The following UTP20 variants were observed in gnomAD, a reference collection of about 807,000 sequenced individuals.
The protein encoded by UTP20 is UTP20 small subunit processome component.
In UTP20, 164 loss-of-function variants were observed where a neutral mutation model predicts 329.5. The observed-to-expected ratio is 0.50, with a 90% CI of 0.44 to 0.57. The LOEUF is 0.57. UTP20 is among the 20% of genes least tolerant of loss of function. UTP20 has a pLI of 0.00. For synonymous variants in UTP20, 1,151 were observed against 1,159.3 expected, an observed-to-expected ratio of 0.99 and a Z score of 0.14; for missense variants, 3,055 against 3,284.2, an observed-to-expected ratio of 0.93 and a Z score of 1.71.
At chr12:101,321,687 G>C in intron 25 of UTP20, 58 bp downstream of exon 25, 1 of 1,577,502 alleles carries the variant, frequency 6.3e-7, no homozygotes, top group African/African-American at 1.4e-5. Context: ...ACAATTGTGA[G>C]TACAGTATTA....
intron 11 of UTP20, among the ~76,000 whole-genome samples, chr12:101,294,528 C>T (rs968342241): frequency 5.4e-5 from 8 of 148,300 alleles, no homozygotes; most frequent in African/African-American, 2.0e-4. Flanking sequence ...TTTTTGTATA[C>T]ATTCTCGTTT....
At chr12:101,326,029 T>C (rs1868539777) in intron 25 of UTP20, among the ~76,000 whole-genome samples, 1 of 152,256 alleles carries the variant, frequency 6.6e-6, no homozygotes. Flanking sequence ...AAGTAACTGA[T>C]GCATGTAATA....
At chr12:101,331,890 T>TG (rs899778459) in intron 27 of UTP20, among the ~76,000 whole-genome samples, 55 of 151,256 alleles carry the variant, frequency 3.6e-4, no homozygotes, top group African/African-American at 8.0e-4. Flanking sequence ...CCATTTGTTT[T>TG]TTTTTTTTTT....
Position 101,342,498 on chromosome 12 carries a change from T to C in UTP20, c.4154T>C (p.Val1385Ala). 2 of 1,613,314 alleles carry C rather than the reference T, an allele frequency of 1.2e-6. No individual in the cohort carries two copies. The highest frequency in any genetic ancestry group is 1.7e-6 in the Non-Finnish European group (2 of 1,179,614). Reference protein sequence around the residue: ...VTVQNLLKHCVDPTSFLKPIA... With the variant: ...VTVQNLLKHCADPTSFLKPIA... ...GTACAAAACTTGTTAAAGCATTGTG[T>C]GGACCCTACAAGCTTCCTCAAGCCT... The change falls in exon 33 of 62, where the codon GTG becomes GCG. Residue 1385 changes from valine (V) to alanine (A), a missense_variant. By Grantham distance (64) the Val-to-Ala change is moderately conservative. Coordinates refer to ENST00000261637, the MANE Select transcript of UTP20 (RefSeq NM_014503.3).
chr12:101,340,574 TCTC>T lies in UTP20; in HGVS notation c.4068_4070del (p.Leu1357del). ...AACAAAGTTCTGTACTCATTACGCT[TCTC>T]CTTCCATTCCTCCACCGTGGCAATA... is the stretch of plus-strand genomic sequence containing the variant. On this transcript the variant is annotated inframe_deletion, in exon 32 of 62. Coordinates refer to ENST00000261637, the MANE Select transcript of UTP20 (RefSeq NM_014503.3). 6.2e-7 allele frequency: 1 copy of T among 1,611,926 alleles called. No individual in the cohort carries two copies. Among genetic ancestry groups the T allele is most frequent in the South Asian group, 1.1e-5 (1 of 90,426 alleles).
chr12:101,369,649 A>G (rs917797624), intron 48 of UTP20, 72 bp from the exon 49 acceptor site: 1 of 762,030 alleles, frequency 1.3e-6, no homozygotes. Flanking sequence ...AAGAGTCTGC[A>G]TAGCCTCAGG....
intron 31 of UTP20, among the ~76,000 whole-genome samples, chr12:101,340,295 C>T (rs1224990817): frequency 6.6e-6 from 1 of 152,106 alleles, no homozygotes; most frequent in African/African-American, 2.4e-5. Context: ...TCAGATATTG[C>T]AAAAGAAATA....
chr12:101,293,367 T>C, intron 11 of UTP20, 122 bp downstream of exon 11: 1 of 802,600 alleles, frequency 1.2e-6, no homozygotes, highest in Non-Finnish European at 2.0e-6. Flanking sequence ...TGCTTGATGT[T>C]TTAGTCAATA....
At chr12:101,302,988 G>A (rs565765487) in intron 15 of UTP20, among the ~76,000 whole-genome samples, 95 of 151,414 alleles carry the variant, frequency 6.3e-4, no homozygotes, top group Middle Eastern at 3.4e-3. Flanking sequence ...CTTTTTTTTT[G>A]TTGGTTTGGT....
intron 43 of UTP20, among the ~76,000 whole-genome samples, chr12:101,358,939 G>A (rs527320529): frequency 3.2e-4 from 48 of 152,108 alleles, no homozygotes; most frequent in South Asian, 6.2e-4. Context: ...AGACTTTATC[G>A]TTATTTTTCA....
intron 56 of UTP20, among the ~76,000 whole-genome samples, chr12:101,378,611 C>G (rs948623408): frequency 6.6e-6 from 1 of 151,558 alleles, no homozygotes; most frequent in Admixed American, 6.6e-5. Flanking sequence ...AACAGTTACT[C>G]AGGAGGCTGA....
intron 56 of UTP20, among the ~76,000 whole-genome samples, chr12:101,376,600 A>C (rs760349217): frequency 1.3e-5 from 2 of 152,002 alleles, no homozygotes; most frequent in Non-Finnish European, 2.9e-5. Context: ...ATTTTTTTTT[A>C]ATGAGTAGTG....
intron 22 of UTP20, 133 bp downstream of exon 22, chr12:101,317,796 C>T (rs1238953860): frequency 9.7e-7 from 1 of 1,032,838 alleles, no homozygotes; most frequent in Non-Finnish European, 1.3e-6. Flanking sequence ...CTGGGATTTT[C>T]TTTAACAGCC....
chr12:101,355,075 C>T lies in UTP20; in HGVS notation c.5351C>T (p.Thr1784Ile), dbSNP rs1273094961. ...RTIKNIQGTITGDILPRLHKC... is the reference protein window; with the variant it reads ...RTIKNIQGTIIGDILPRLHKC... ...ATTAAAAATATCCAAGGAACCATAA[C>T]CGGGGATATTCTCCCCAGGCTACAT... The change falls in exon 41 of 62, where the codon ACC (threonine) becomes ATC (isoleucine). Residue 1784 changes from threonine to isoleucine, a missense_variant. By Grantham distance (89) the Thr-to-Ile change is moderately conservative. Transcript: ENST00000261637. The T allele has an allele frequency of 6.2e-7, 1 of 1,614,138 alleles. No individual in the cohort carries two copies. The highest frequency in any genetic ancestry group is 1.7e-5 in the Admixed American group (1 of 60,014).
rs200049376 is a variant in UTP20 at position 101,338,088 on chromosome 12, C to T, written c.3679C>T (p.Pro1227Ser). The part of the protein sequence containing the change: ...PLLAKQKPGH[P>S]ECDILTNVFA... ...GCTGGCTAAACAGAAGCCTGGGCAC[C>T]CAGAATGTGATATCCTGACCAATGT... Residue 1227 changes from proline (P) to serine (S), a missense_variant, in exon 30 of 62, where the codon CCA becomes TCA. By Grantham distance (74) the Pro-to-Ser change is moderately conservative. Coordinates refer to ENST00000261637, the MANE Select transcript of UTP20 (RefSeq NM_014503.3). The T allele has an allele frequency of 1.9e-6, 3 of 1,613,976 alleles. No homozygotes were observed. The African/African-American group carries it at 4.0e-5, about 22-fold the overall frequency.
In UTP20 at chr12:101,383,224, G is replaced by A. The variant is rs148427016; in HGVS notation, c.7840G>A (p.Gly2614Ser). The A allele has an allele frequency of 4.9e-4, 789 of 1,614,150 alleles. 2 individuals are homozygous for A. The highest frequency in any genetic ancestry group is 2.7e-3 in the South Asian group (244 of 91,078). Residue 2614 changes from glycine to serine, a missense_variant, in exon 59 of 62, where the codon GGC (glycine) becomes AGC (serine). This residue lies in a region of UTP20 where 337 missense variants were observed against 345.5 expected (regional missense o/e 0.98). Transcript: ENST00000261637. ...GAAGGAAGAGGTGAAGGAAGAGCTC[G>A]GCAGGCCGGCCACGCTGCTGTGGTT... ...EEKEEVKEELGRPATLLWLIQ... is the reference protein window; with the variant it reads ...EEKEEVKEELSRPATLLWLIQ...
intron 12 of UTP20, among the ~76,000 whole-genome samples, 194 bp downstream of exon 12, chr12:101,295,852 AGT>A (rs3084524): frequency 0.49 from 75,174 of 152,018 alleles, 19,786 homozygotes; most frequent in East Asian, 0.94. Context: ...TAAAGCAAAA[AGT>A]GTGTATGAAC....
intron 27 of UTP20, 91 bp downstream of exon 27, chr12:101,329,540 T>G (rs561791894): frequency 7.9e-7 from 1 of 1,272,806 alleles, no homozygotes; most frequent in Admixed American, 2.4e-5. Context: ...TAAGGTATCT[T>G]CCAACTCTCA....
At chr12:101,335,787 A>T (rs1224583084) in intron 29 of UTP20, among the ~76,000 whole-genome samples, 1 of 152,224 alleles carries the variant, frequency 6.6e-6, no homozygotes, top group African/African-American at 2.4e-5. Context: ...AAACCGTGAC[A>T]TTGTCTTCCT....
Sources: allele counts gnomAD v4.1 joint callset (sites outside exome capture counted in the v4.1 genomes callset), GRCh38; gene constraint gnomAD v4.1.1; regional missense constraint gnomAD v4.1.1; transcripts MANE v1.5; gene names NCBI Gene and HGNC (gene_info 2026-07-23, HGNC 2026-07-21).